NT5DC1: variants seen among roughly 807,000 people sequenced by gnomAD.
The protein encoded by NT5DC1 is 5'-nucleotidase domain-containing protein 1.
Under a neutral mutation model 59.4 loss-of-function variants are expected in NT5DC1, and 42 were observed. That is an observed-to-expected ratio of 0.71 (90% confidence interval 0.55 to 0.92). The LOEUF (loss-of-function observed/expected upper bound fraction) is 0.92. Among genes scored for constraint, NT5DC1 ranks in the 40% least tolerant of loss-of-function variants. The probability of loss-of-function intolerance (pLI) is 0.00; values close to 1 mark genes in which losing one functional copy is unlikely to be tolerated. For synonymous variants in NT5DC1, 172 were observed against 188.1 expected, an observed-to-expected ratio of 0.91 and a Z score of 0.70; for missense variants, 501 against 537.1, an observed-to-expected ratio of 0.93 and a Z score of 0.66.
chr6:116,240,609 G>GC (rs757854214), intron 11 of NT5DC1, among the ~76,000 whole-genome samples: 27 of 152,148 alleles, frequency 1.8e-4, no homozygotes, highest in Non-Finnish European at 1.6e-4. Context: ...GGTTTAAGAA[G>GC]CCCAAAGAAA....
intron 4 of NT5DC1, 138 bp downstream of exon 4, chr6:116,111,094 A>G: frequency 1.6e-6 from 1 of 618,060 alleles, no homozygotes; most frequent in East Asian, 2.7e-5. Flanking sequence ...CTTTATAGCA[A>G]TAGGATGTAT....
chr6:116,199,013 T>C (rs144054138), intron 6 of NT5DC1, among the ~76,000 whole-genome samples: 6 of 152,160 alleles, frequency 3.9e-5, no homozygotes, highest in South Asian at 2.1e-4. Flanking sequence ...GGAGGAGCTG[T>C]TCTGTGCATT....
intron 6 of NT5DC1, among the ~76,000 whole-genome samples, chr6:116,183,848 G>A (rs1780936331): frequency 6.6e-6 from 1 of 151,896 alleles, no homozygotes; most frequent in South Asian, 2.1e-4. Flanking sequence ...ATCAGCAGAA[G>A]CAACAGTTTG....
At chr6:116,101,489 A>G (rs1473763618) in intron 1 of NT5DC1, among the ~76,000 whole-genome samples, 1 of 152,174 alleles carries the variant, frequency 6.6e-6, no homozygotes, top group African/African-American at 2.4e-5. Flanking sequence ...TCAACCACCC[A>G]TCAGTGTTTA....
At chr6:116,231,235 C>G (rs1447980313) in intron 8 of NT5DC1, among the ~76,000 whole-genome samples, 1 of 143,762 alleles carries the variant, frequency 7.0e-6, no homozygotes, top group Non-Finnish European at 1.5e-5. Context: ...TCAACACAAG[C>G]ATTTTACTAG....
At chr6:116,115,648 C>A in intron 4 of NT5DC1, 43 bp from the exon 5 acceptor site, 1 of 923,974 alleles carries the variant, frequency 1.1e-6, no homozygotes. Context: ...CACATGCATG[C>A]AGCATTATGT....
intron 6 of NT5DC1, among the ~76,000 whole-genome samples, chr6:116,178,398 TAGAA>T (rs1272212301): frequency 3.3e-5 from 5 of 152,198 alleles, no homozygotes; most frequent in Non-Finnish European, 5.9e-5. Context: ...ATAAAGGCGA[TAGAA>T]AGAATCTGTA....
rs1157941508 is a variant in NT5DC1 at position 116,121,056 on chromosome 6, T to C, written c.529+3111T>C. On this transcript the variant is annotated intron_variant, in intron 6 of 11. Coordinates refer to ENST00000319550, the MANE Select transcript of NT5DC1 (RefSeq NM_152729.3). Reference sequence around the variant, plus strand: ...CCTTTAGGGCCTGGGAGACCATGGCTACCCGGGATGCCTTTTGGTCCTTGG... The same window carrying C: ...CCTTTAGGGCCTGGGAGACCATGGCCACCCGGGATGCCTTTTGGTCCTTGG... 3 of 1,614,040 alleles carry C rather than the reference T, an allele frequency of 1.9e-6. No individual in the cohort carries two copies. In the East Asian group the frequency reaches 6.7e-5, roughly 36 times the overall value.
At chr6:116,138,801 A>G (rs536085648) in intron 6 of NT5DC1, among the ~76,000 whole-genome samples, 24 of 152,284 alleles carry the variant, frequency 1.6e-4, no homozygotes, top group African/African-American at 5.8e-4. Context: ...TGAGTTAAAT[A>G]TGGCAGGGGA....
intron 6 of NT5DC1, among the ~76,000 whole-genome samples, chr6:116,186,254 G>GT (rs1780995419): frequency 6.6e-6 from 1 of 151,612 alleles, no homozygotes; most frequent in African/African-American, 2.4e-5. Context: ...AATCTGATAG[G>GT]TTTTCCTTTA....
chr6:116,231,642 A>G (rs1048462643), intron 8 of NT5DC1, among the ~76,000 whole-genome samples: 1 of 152,232 alleles, frequency 6.6e-6, no homozygotes, highest in African/African-American at 2.4e-5. Context: ...TCTAGCTCAG[A>G]TTCTGTTTGA....
chr6:116,232,438 A>G (rs1782035969), intron 8 of NT5DC1, among the ~76,000 whole-genome samples: 1 of 152,042 alleles, frequency 6.6e-6, no homozygotes, highest in Admixed American at 6.6e-5. Context: ...TTGCTTTTAT[A>G]TGCATAAAAG....
chr6:116,168,083 CTTTT>C (rs34803424), intron 6 of NT5DC1, among the ~76,000 whole-genome samples: 1 of 119,024 alleles, frequency 8.4e-6, no homozygotes, highest in Admixed American at 8.4e-5. Flanking sequence ...TACCTGGTGT[CTTTT>C]TTTTTTTTTT....
At chr6:116,125,437 A>G (rs1303144012) in intron 6 of NT5DC1, 1 of 1,613,764 alleles carries the variant, frequency 6.2e-7, no homozygotes, top group Non-Finnish European at 8.5e-7. Flanking sequence ...AGCGTAAAAC[A>G]CTCCATGAAC....
intron 6 of NT5DC1, among the ~76,000 whole-genome samples, chr6:116,191,763 A>G (rs1442449428): frequency 6.6e-6 from 1 of 152,044 alleles, no homozygotes; most frequent in African/African-American, 2.4e-5. Context: ...TGTTTCTCCT[A>G]ATACTTCAAT....
chr6:116,142,582 G>GT (rs1164053174), intron 6 of NT5DC1, among the ~76,000 whole-genome samples: 17 of 151,256 alleles, frequency 1.1e-4, no homozygotes, highest in African/African-American at 4.2e-4. Flanking sequence ...ACAGTGTGTG[G>GT]TAAAAACTGT....
chr6:116,115,270 A>G (rs1283242394), intron 4 of NT5DC1, among the ~76,000 whole-genome samples: 2 of 152,162 alleles, frequency 1.3e-5, no homozygotes, highest in Non-Finnish European at 2.9e-5. Flanking sequence ...GTACTCTAGG[A>G]GGGGTCAGCC....
At chr6:116,222,524 A>T (rs762084200) in intron 7 of NT5DC1, among the ~76,000 whole-genome samples, 3 of 152,220 alleles carry the variant, frequency 2.0e-5, no homozygotes, top group Non-Finnish European at 4.4e-5. Context: ...GTCATACAAA[A>T]GTTACCACAT....
chr6:116,242,145 C>T (rs1212977551), intron 11 of NT5DC1, among the ~76,000 whole-genome samples: 3 of 150,202 alleles, frequency 2.0e-5, no homozygotes, highest in South Asian at 2.1e-4. Flanking sequence ...CGGAGGCGGG[C>T]GGATCACGAG....
Sources: allele counts gnomAD v4.1 joint callset (sites outside exome capture counted in the v4.1 genomes callset), GRCh38; gene constraint gnomAD v4.1.1; transcripts MANE v1.5; gene names NCBI Gene and HGNC (gene_info 2026-07-23, HGNC 2026-07-21).